The following PDCD10 variants were observed in gnomAD, a reference collection of about 807,000 sequenced individuals.
PDCD10 encodes programmed cell death protein 10.
Under a neutral mutation model 29.2 loss-of-function variants are expected in PDCD10, and 4 were observed. The observed-to-expected ratio is 0.14, with a 90% confidence interval of 0.07 to 0.31. The LOEUF is 0.31. Ranked by LOEUF, PDCD10 falls within the 10% of genes least tolerant of loss-of-function variation. PDCD10 has a pLI of 1.00. For synonymous variants in PDCD10, 70 were observed against 82.2 expected (o/e 0.85, Z 0.80); for missense variants, 183 against 257.9 (o/e 0.71, Z 1.99).
intron 2 of PDCD10, among the ~76,000 whole-genome samples, chr3:167,726,396 G>T (rs1199647512): frequency 6.6e-6 from 1 of 152,058 alleles, no homozygotes; most frequent in African/African-American, 2.4e-5. Flanking sequence ...ACTGTGCCTG[G>T]CCAGAGTACT....
At chr3:167,704,517 C>T in intron 4 of PDCD10, 1 of 223,380 alleles carries the variant, frequency 4.5e-6, no homozygotes, top group Non-Finnish European at 8.9e-6. Flanking sequence ...TATGAGTCAC[C>T]ACGCCCAGCC....
intron 6 of PDCD10, among the ~76,000 whole-genome samples, chr3:167,689,658 C>G (rs1020749427): frequency 6.6e-6 from 1 of 151,710 alleles, no homozygotes; most frequent in Non-Finnish European, 1.5e-5. Flanking sequence ...CTGGAAATCT[C>G]TATTTTAAAA....
At chr3:167,717,009 G>A (rs114402613) in intron 3 of PDCD10, among the ~76,000 whole-genome samples, 85 of 152,030 alleles carry the variant, frequency 5.6e-4, no homozygotes, top group African/African-American at 2.0e-3. Flanking sequence ...GATATGACAT[G>A]AAATTAGGTT....
At chr3:167,692,511 T>C (rs1454347993) in intron 6 of PDCD10, among the ~76,000 whole-genome samples, 1 of 152,258 alleles carries the variant, frequency 6.6e-6, no homozygotes, top group African/African-American at 2.4e-5. Context: ...AAATTAGGGA[T>C]GCTCAACTTG....
At chr3:167,704,375 G>A (rs1234760150) in intron 4 of PDCD10, among the ~76,000 whole-genome samples, 2 of 151,852 alleles carry the variant, frequency 1.3e-5, no homozygotes, top group Non-Finnish European at 2.9e-5. Flanking sequence ...TGACAGGCAC[G>A]CACCACCATG....
intron 3 of PDCD10, among the ~76,000 whole-genome samples, chr3:167,717,236 C>T (rs1420410262): frequency 1.3e-5 from 2 of 151,990 alleles, no homozygotes; most frequent in Non-Finnish European, 2.9e-5. Flanking sequence ...AGTAACAGTA[C>T]TAAAATTTCC....
At chr3:167,729,018 T>A (rs911343289) in intron 2 of PDCD10, among the ~76,000 whole-genome samples, 1 of 152,124 alleles carries the variant, frequency 6.6e-6, no homozygotes, top group African/African-American at 2.4e-5. Flanking sequence ...TACTGCAGTA[T>A]GTGATAATTC....
chr3:167,705,916 A>C (rs1462770610), intron 3 of PDCD10, among the ~76,000 whole-genome samples: 1 of 152,202 alleles, frequency 6.6e-6, no homozygotes, highest in Non-Finnish European at 1.5e-5. Context: ...TTAGATCTCA[A>C]GTTCTTGTTA....
intron 3 of PDCD10, among the ~76,000 whole-genome samples, chr3:167,710,303 C>T (rs897878036): frequency 5.3e-5 from 8 of 152,154 alleles, no homozygotes; most frequent in African/African-American, 1.9e-4. Context: ...CATTTCTAGA[C>T]CTGTCCTGGC....
At chr3:167,699,366 C>T (rs969586544) in intron 4 of PDCD10, among the ~76,000 whole-genome samples, 5 of 152,172 alleles carry the variant, frequency 3.3e-5, no homozygotes, top group African/African-American at 1.2e-4. Context: ...TCACTGTACA[C>T]CTTCACAATT....
chr3:167,733,321 C>T (rs1028981286), intron 2 of PDCD10, among the ~76,000 whole-genome samples: 12 of 152,188 alleles, frequency 7.9e-5, no homozygotes, highest in African/African-American at 2.7e-4. Context: ...CTATTAAAAA[C>T]TTATCCAATA....
chr3:167,707,822 G>C (rs967074952), intron 3 of PDCD10, among the ~76,000 whole-genome samples: 3 of 152,290 alleles, frequency 2.0e-5, no homozygotes, highest in Admixed American at 6.5e-5. Context: ...TGGATACTGC[G>C]ACAGTGAGAA....
chr3:167,718,764 G>A, intron 3 of PDCD10, among the ~76,000 whole-genome samples: 1 of 151,278 alleles, frequency 6.6e-6, no homozygotes, highest in South Asian at 2.1e-4. Flanking sequence ...ATGCTGAGGT[G>A]ACCTTGATTG....
At chr3:167,686,468 A>T (rs1559943808) in intron 8 of PDCD10, among the ~76,000 whole-genome samples, 1 of 152,286 alleles carries the variant, frequency 6.6e-6, no homozygotes, top group East Asian at 1.9e-4. Flanking sequence ...CAGCCAACTG[A>T]ATCAGAATCT....
intron 4 of PDCD10, among the ~76,000 whole-genome samples, chr3:167,698,969 G>A (rs2108416874): frequency 6.6e-6 from 1 of 152,214 alleles, no homozygotes; most frequent in African/African-American, 2.4e-5. Flanking sequence ...ACACCTCACA[G>A]TGCTGTTTAT....
chr3:167,731,865 A>G (rs923486905), intron 2 of PDCD10, among the ~76,000 whole-genome samples: 2 of 152,156 alleles, frequency 1.3e-5, no homozygotes, highest in African/African-American at 2.4e-5. Flanking sequence ...CGATATTTAA[A>G]TTGAGACGTG....
chr3:167,721,470 T>C (rs1273433532), intron 2 of PDCD10, among the ~76,000 whole-genome samples: 1 of 152,170 alleles, frequency 6.6e-6, no homozygotes, highest in Non-Finnish European at 1.5e-5. Context: ...TCAGAGTATG[T>C]TTAACACTGC....
intron 3 of PDCD10, among the ~76,000 whole-genome samples, chr3:167,718,584 A>AT (rs746942871): frequency 7.9e-5 from 12 of 152,002 alleles, no homozygotes; most frequent in Non-Finnish European, 1.5e-4. Flanking sequence ...CGTCATTAGA[A>AT]TTAAGTTCTT....
At chr3:167,707,652 T>C (rs1319507962) in intron 3 of PDCD10, among the ~76,000 whole-genome samples, 2 of 152,142 alleles carry the variant, frequency 1.3e-5, no homozygotes, top group African/African-American at 4.8e-5. Context: ...CACTCCAGCC[T>C]GGGCGACAGA....
Sources: allele counts gnomAD v4.1 joint callset (sites outside exome capture counted in the v4.1 genomes callset), GRCh38; gene constraint gnomAD v4.1.1; transcripts MANE v1.5; gene names NCBI Gene and HGNC (gene_info 2026-07-23, HGNC 2026-07-21).